Variants in RCOR1 observed in about 807,000 individuals in gnomAD.
RCOR1 encodes REST corepressor 1.
A neutral mutation model predicts 64.0 loss-of-function variants in RCOR1; 12 were observed. That is an observed-to-expected ratio of 0.19 (90% CI 0.12 to 0.30). The LOEUF (loss-of-function observed/expected upper bound fraction) is 0.30, where lower values mean the gene tolerates loss of function less well. Among genes scored for constraint, RCOR1 ranks in the 10% least tolerant of loss-of-function variants. The pLI is 1.00. For missense variants in RCOR1, 502 were observed against 621.2 expected (o/e 0.81, Z 2.04); for synonymous variants, 279 against 227.2 (o/e 1.23, Z -2.05).
chr14:102,636,213 T>A (rs1894233888), intron 2 of RCOR1, among the ~76,000 whole-genome samples: 1 of 151,964 alleles, frequency 6.6e-6, no homozygotes, highest in South Asian at 2.1e-4. Context: ...GCTGTGATGA[T>A]AGGCGTGAGC....
At chr14:102,606,886 G>C (rs1209675738) in intron 2 of RCOR1, among the ~76,000 whole-genome samples, 1 of 150,224 alleles carries the variant, frequency 6.7e-6, no homozygotes, top group African/African-American at 2.5e-5. Context: ...GTCTTTTCTT[G>C]AATAGGCTTT....
chr14:102,675,974 G>A (rs1052008367), intron 2 of RCOR1, among the ~76,000 whole-genome samples: 1 of 151,546 alleles, frequency 6.6e-6, no homozygotes, highest in African/African-American at 2.4e-5. Flanking sequence ...TCCAGTATAT[G>A]GATGTACTAC....
chr14:102,612,259 C>T (rs972671869), intron 2 of RCOR1, among the ~76,000 whole-genome samples: 17 of 152,162 alleles, frequency 1.1e-4, no homozygotes, highest in South Asian at 4.1e-4. Flanking sequence ...TAGCCTCAAG[C>T]GGTCCCCTCT....
chr14:102,712,970 T>C lies in RCOR1; in HGVS notation c.859-1453T>C, dbSNP rs1895992074. ...TTGTTTTTTTTTTTTTTTTTTTTTT[T>C]TGGAGATGGAGTCTTGCTCTGTTGC... On this transcript the variant is annotated intron_variant, in intron 7 of 11. Coordinates refer to ENST00000262241, the MANE Select transcript of RCOR1 (RefSeq NM_015156.4). 7.0e-5 allele frequency among the ~76,000 whole-genome samples: 8 copies of C among 113,782 alleles called. No individual in the cohort carries two copies. In the South Asian group the frequency reaches 2.0e-3, roughly 29 times the overall value. 74.6% of individuals were successfully genotyped at this position (113,782 alleles called of 152,430 possible). A position where few individuals can be genotyped will look rare whatever the true frequency, so the allele number is the denominator to read the frequency against.
At position 102,609,138 on chromosome 14, in the gene RCOR1, C is replaced by T. The variant is rs558496301; in HGVS notation, c.361+15813C>T. Reference sequence around the variant, plus strand: ...TCAGCTCACTGCAACCTCTGCCTCCCGGGTTCAAGCAATTCTCCTGCCTCA... The same window carrying T: ...TCAGCTCACTGCAACCTCTGCCTCCTGGGTTCAAGCAATTCTCCTGCCTCA... On this transcript the variant is annotated intron_variant, in intron 2 of 11. Transcript: ENST00000262241. Among the ~76,000 whole-genome samples, 10 of 148,936 alleles carry T rather than the reference C, an allele frequency of 6.7e-5. No homozygotes were observed. In the South Asian group the frequency reaches 1.1e-3, roughly 16 times the overall value.
chr14:102,638,748 A>G (rs1419594853), intron 2 of RCOR1, among the ~76,000 whole-genome samples: 1 of 151,860 alleles, frequency 6.6e-6, no homozygotes, highest in Non-Finnish European at 1.5e-5. Context: ...GCTTACTGCA[A>G]CCTCTGCCTC....
intron 6 of RCOR1, among the ~76,000 whole-genome samples, chr14:102,709,286 A>G (rs1011095645): frequency 4.6e-5 from 7 of 152,188 alleles, no homozygotes; most frequent in Non-Finnish European, 1.0e-4. Context: ...GTCTTCCCCA[A>G]GCTTCTGTTT....
chr14:102,653,407 A>G (rs776691083), intron 2 of RCOR1, among the ~76,000 whole-genome samples: 3 of 152,006 alleles, frequency 2.0e-5, no homozygotes, highest in Non-Finnish European at 4.4e-5. Flanking sequence ...TTTGGTAGAG[A>G]CAGGGTTTTG....
chr14:102,595,707 G>A (rs947337660), intron 2 of RCOR1, among the ~76,000 whole-genome samples: 2 of 151,804 alleles, frequency 1.3e-5, no homozygotes, highest in African/African-American at 4.8e-5. Context: ...AGCCTCCAGA[G>A]TAGCAGGGAC....
At chr14:102,649,085 T>A (rs770661085) in intron 2 of RCOR1, among the ~76,000 whole-genome samples, 2 of 151,864 alleles carry the variant, frequency 1.3e-5, no homozygotes, top group Non-Finnish European at 2.9e-5. Context: ...AATAGAATTA[T>A]TAATTCCAGG....
chr14:102,713,262 C>CTTT (rs549966355), intron 7 of RCOR1, among the ~76,000 whole-genome samples: 75 of 112,792 alleles, frequency 6.6e-4, no homozygotes, highest in African/African-American at 2.4e-3. Flanking sequence ...CCCGTAGTTT[C>CTTT]TTTTTTTTTT....
rs1449778350 is a variant in RCOR1, at chr14:102,630,355, C to T, written c.361+37030C>T. Among the ~76,000 whole-genome samples the T allele has an allele frequency of 1.1e-4, 16 of 152,300 alleles. No individual in the cohort carries two copies. In the South Asian group the frequency reaches 3.3e-3, roughly 32 times the overall value. ...ACCAGATGCCCCATCTTCCAGCCGG[C>T]GGAATCATGAGCCAAGTGAATTTCT... On this transcript the variant is annotated intron_variant, in intron 2 of 11. Coordinates refer to ENST00000262241, the MANE Select transcript of RCOR1 (RefSeq NM_015156.4).
At chr14:102,593,606 C>A (rs1248963769) in intron 2 of RCOR1, among the ~76,000 whole-genome samples, 1 of 152,224 alleles carries the variant, frequency 6.6e-6, no homozygotes, top group Non-Finnish European at 1.5e-5. Context: ...GGTGGCCACA[C>A]CTGGCCTGGG....
intron 2 of RCOR1, among the ~76,000 whole-genome samples, chr14:102,677,342 C>T (rs1247779993): frequency 9.3e-5 from 13 of 139,680 alleles, no homozygotes; most frequent in African/African-American, 2.0e-4. Flanking sequence ...GGGGCTGACC[C>T]CCCCCCCACC....
intron 2 of RCOR1, among the ~76,000 whole-genome samples, chr14:102,631,037 G>A (rs1207210993): frequency 6.6e-6 from 1 of 152,072 alleles, no homozygotes; most frequent in Non-Finnish European, 1.5e-5. Context: ...CCCAGAGGAA[G>A]GAAACAGAAA....
intron 2 of RCOR1, among the ~76,000 whole-genome samples, chr14:102,672,652 T>A (rs1285539509): frequency 2.0e-5 from 3 of 152,168 alleles, no homozygotes; most frequent in African/African-American, 7.2e-5. Flanking sequence ...AATAAACTTA[T>A]CCAATATGCT....
intron 2 of RCOR1, among the ~76,000 whole-genome samples, chr14:102,635,931 TAA>T (rs1349465961): frequency 6.6e-6 from 1 of 152,042 alleles, no homozygotes; most frequent in Non-Finnish European, 1.5e-5. Flanking sequence ...GTGAGAAACA[TAA>T]AAGTTTCTCC....
chr14:102,622,150 A>G (rs1482978165), intron 2 of RCOR1, among the ~76,000 whole-genome samples: 5 of 150,838 alleles, frequency 3.3e-5, no homozygotes, highest in Non-Finnish European at 7.4e-5. Context: ...CAGAGGTAGG[A>G]CTGGAGGAGG....
At chr14:102,682,297 T>G (rs1256301269) in intron 3 of RCOR1, among the ~76,000 whole-genome samples, 1 of 152,056 alleles carries the variant, frequency 6.6e-6, no homozygotes, top group African/African-American at 2.4e-5. Flanking sequence ...ACCCAGCTAA[T>G]TTTTGTATTT....
Sources: allele counts gnomAD v4.1 joint callset (sites outside exome capture counted in the v4.1 genomes callset), GRCh38; gene constraint gnomAD v4.1.1; transcripts MANE v1.5; gene names NCBI Gene and HGNC (gene_info 2026-07-23, HGNC 2026-07-21).